Variants in GIMAP6 observed in about 807,000 individuals in gnomAD.
GIMAP6 encodes GTPase, IMAP family member 6.
In GIMAP6, 6 loss-of-function variants were observed where a neutral mutation model predicts 9.3. The ratio of observed to expected loss-of-function variants is 0.65; its 90% CI spans 0.35 to 1.27. GIMAP6 has a LOEUF of 1.27. GIMAP6 is among the 50% of genes most tolerant of loss of function. The pLI, the probability that GIMAP6 is intolerant of heterozygous loss-of-function variation, is 0.03. For synonymous variants in GIMAP6, 156 were observed against 151.1 expected (o/e 1.03, Z -0.24); for missense variants, 333 against 359.5 (o/e 0.93, Z 0.60).
In GIMAP6 at chr7:150,627,964, G is replaced by T. The variant is rs779061760; in HGVS notation, c.634C>A (p.Leu212Met). 2 of 1,614,158 alleles carry T rather than the reference G, an allele frequency of 1.2e-6. No individual in the cohort carries two copies. The highest frequency in any genetic ancestry group is 1.7e-6 in the Non-Finnish European group (2 of 1,180,048). The stretch of plus-strand genomic sequence containing the variant: ...TCAACTTTCTCCATGAGCTCTCGCA[G>T]TTGGGCCTCCTGCTCCTCCCCCTGT... ...RAQGEEQEAQ[L>M]RELMEKVEAI... is the part of the protein sequence containing the mutation. Residue 212 changes from leucine to methionine, a missense_variant, in exon 3 of 3, where the codon CTG (leucine) becomes ATG (methionine). Leu to Met is a conservative substitution (Grantham distance 15, BLOSUM62 2). Coordinates refer to ENST00000328902, the MANE Select transcript of GIMAP6 (RefSeq NM_024711.6).
intron 2 of GIMAP6, among the ~76,000 whole-genome samples, chr7:150,629,532 C>T (rs1302654135): frequency 1.3e-5 from 2 of 152,190 alleles, no homozygotes; most frequent in Non-Finnish European, 2.9e-5. Flanking sequence ...AAGTTAAGCG[C>T]CTGACCCTGT....
chr7:150,630,221 C>T, intron 1 of GIMAP6, 79 bp from the exon 2 acceptor site: 2 of 1,203,232 alleles, frequency 1.7e-6, no homozygotes, highest in Non-Finnish European at 2.3e-6. Context: ...CTGCCTTTCG[C>T]CTTTCTCTTG....
intron 1 of GIMAP6, 101 bp from the exon 2 acceptor site, chr7:150,630,243 T>C (rs533435761): frequency 6.8e-6 from 6 of 880,774 alleles, no homozygotes; most frequent in South Asian, 1.8e-5. Flanking sequence ...CAGAGGAAAG[T>C]TTTTTGCATT....
At chr7:150,630,604 T>A (rs1366444769) in intron 1 of GIMAP6, among the ~76,000 whole-genome samples, 1 of 152,028 alleles carries the variant, frequency 6.6e-6, no homozygotes, top group Admixed American at 6.6e-5. Flanking sequence ...AGGACGTGAA[T>A]GAGTAGGATG....
rs754027128 is a variant in GIMAP6 at position 150,630,137 on chromosome 7, C to T, written c.6G>A (p.Glu2=). Residue 2 remains glutamate, a synonymous_variant, in exon 2 of 3, where the codon GAG becomes GAA. Coordinates refer to ENST00000328902, the MANE Select transcript of GIMAP6 (RefSeq NM_024711.6). ...GGGGAATTTGTTCATATTCTTCTTC[C>T]TCCATCTACAAAAAAAAAAAAAAAA... M[E]EEEYEQIPQE... 8.5e-6 allele frequency: 12 copies of T among 1,409,718 alleles called. No individual in the cohort carries two copies. The highest frequency in any genetic ancestry group is 4.0e-5 in the South Asian group (3 of 75,326). The allele number at this position is 1,409,718 out of a possible 1,614,324, so 87.3% of individuals were successfully genotyped here. A position where few individuals can be genotyped will look rare whatever the true frequency, so the allele number is the denominator to read the frequency against.
intron 2 of GIMAP6, 67 bp downstream of exon 2, chr7:150,629,991 G>T: frequency 1.9e-6 from 2 of 1,027,398 alleles, no homozygotes; most frequent in South Asian, 1.4e-5. Context: ...ACACTATGGT[G>T]GTGGAGCTGT....
Position 150,630,176 on chromosome 7 carries a change from T to C in GIMAP6, c.1-34A>G, listed in dbSNP as rs769313398. 4.2e-6 allele frequency: 6 copies of C among 1,434,894 alleles called. 1 individual carries two copies. In the Middle Eastern group the frequency reaches 5.9e-4, roughly 141 times the overall value. 88.9% of individuals were successfully genotyped at this position (1,434,894 alleles called of 1,614,324 possible). ...AAAAAAAAAAAAAAAAAATCATATG[T>C]TCTACTGACTTTCCAAATGAGTTTC... On this transcript the variant is annotated intron_variant, in intron 1 of 2. Transcript: ENST00000328902.
At chr7:150,629,316 C>T (rs1796353222) in intron 2 of GIMAP6, among the ~76,000 whole-genome samples, 1 of 152,236 alleles carries the variant, frequency 6.6e-6, no homozygotes, top group Admixed American at 6.5e-5. Context: ...ACAGGTGTTA[C>T]ACAGGTATTG....
chr7:150,631,360 C>A (rs542621472), intron 1 of GIMAP6, among the ~76,000 whole-genome samples: 1 of 152,142 alleles, frequency 6.6e-6, no homozygotes, highest in Non-Finnish European at 1.5e-5. Context: ...GCAGGCCAGG[C>A]GGACAGCCTT....
At chr7:150,630,322 T>C (rs1352496853) in intron 1 of GIMAP6, among the ~76,000 whole-genome samples, 180 bp from the exon 2 acceptor site, 1 of 152,134 alleles carries the variant, frequency 6.6e-6, no homozygotes, top group Non-Finnish European at 1.5e-5. Flanking sequence ...CTGCTGGCTT[T>C]AGGGACCCTA....
In GIMAP6 at chr7:150,627,971, C is replaced by T; in HGVS notation, c.627G>A (p.Glu209=). The change falls in exon 3 of 3, where the codon GAG becomes GAA. Residue 209 remains glutamate (E), a synonymous_variant. Coordinates refer to ENST00000328902, the MANE Select transcript of GIMAP6 (RefSeq NM_024711.6). ...FNNRAQGEEQ[E]AQLRELMEKV... is the part of the protein sequence containing the mutation. ...TCTCCATGAGCTCTCGCAGTTGGGC[C>T]TCCTGCTCCTCCCCCTGTGCCCTGT... The T allele has an allele frequency of 8.7e-6, 14 of 1,614,242 alleles. No individual in the cohort carries two copies. Among genetic ancestry groups the T allele is most frequent in the Non-Finnish European group, 1.2e-5 (14 of 1,180,034 alleles).
At chr7:150,631,777 A>C (rs1428045728) in intron 1 of GIMAP6, among the ~76,000 whole-genome samples, 1 of 152,204 alleles carries the variant, frequency 6.6e-6, no homozygotes, top group African/African-American at 2.4e-5. Context: ...CTCTGGAAGA[A>C]AGCAAAACTC....
chr7:150,630,692 G>A (rs1184254404), intron 1 of GIMAP6, among the ~76,000 whole-genome samples: 1 of 152,194 alleles, frequency 6.6e-6, no homozygotes, highest in African/African-American at 2.4e-5. Flanking sequence ...CAGAGGACTG[G>A]GATTGCAGGG....
At position 150,628,226 on chromosome 7, in the gene GIMAP6, G is replaced by A. The variant is rs766120224; in HGVS notation, c.372C>T (p.His124=). 26 of 1,614,056 alleles carry A rather than the reference G, an allele frequency of 1.6e-5. No individual in the cohort carries two copies. The highest frequency in any genetic ancestry group is 1.1e-4 in the African/African-American group (8 of 74,954). Residue 124 remains histidine (H), a synonymous_variant, in exon 3 of 3, where the codon CAC becomes CAT. Transcript: ENST00000328902. ...CCAGTTGTGTCACCAGGAGCACGGC[G>A]TGGGGCCCTGGGGCGGATAAGACGA... is the stretch of plus-strand genomic sequence containing the variant. The part of the protein sequence containing the change: ...QAIVLSAPGP[H]AVLLVTQLGR...
rs1796320930 is a variant in GIMAP6, at chr7:150,627,836, G to A, written c.762C>T (p.Ser254=). ...GCACGTCCTCAGAGCCTTGGCCCTG[G>A]CTTACTTGCCTTTCCTGTAGTTCTT... The part of the protein sequence containing the change: ...RLKELQERQV[S]QGQGSEDVPG... The change falls in exon 3 of 3, where the codon AGC becomes AGT. Residue 254 remains serine (S), a synonymous_variant. Coordinates refer to ENST00000328902, the MANE Select transcript of GIMAP6 (RefSeq NM_024711.6). 1 of 1,614,218 alleles carries A rather than the reference G, an allele frequency of 6.2e-7. No homozygotes were observed. Among genetic ancestry groups the A allele is most frequent in the Non-Finnish European group, 8.5e-7 (1 of 1,180,030 alleles).
At chr7:150,629,286 T>C (rs180715869) in intron 2 of GIMAP6, among the ~76,000 whole-genome samples, 188 of 152,306 alleles carry the variant, frequency 1.2e-3, no homozygotes, top group Admixed American at 2.4e-3. Flanking sequence ...CTAACCTTGA[T>C]TGCTATAACA....
Position 150,627,647 on chromosome 7 carries a change from A to C in GIMAP6, c.*72T>G. 1 of 1,588,502 alleles carries C rather than the reference A, an allele frequency of 6.3e-7. No homozygotes were observed. Among genetic ancestry groups the C allele is most frequent in the Non-Finnish European group, 8.6e-7 (1 of 1,158,366 alleles). On this transcript the variant is annotated 3_prime_UTR_variant, in exon 3 of 3. Coordinates refer to ENST00000328902, the MANE Select transcript of GIMAP6 (RefSeq NM_024711.6). ...ACTGGGAAGCACTCCATGGGATGGA[A>C]AGAGAAACAGAGGGCTGGACACAGG... is the stretch of plus-strand genomic sequence containing the variant.
Position 150,625,866 on chromosome 7 carries a change from T to G in GIMAP6, c.*1853A>C, listed in dbSNP as rs1796283602. ...AATCAATATTTTATTCATACAGGAG[T>G]AGAAAAGTAGAAGACATGAACAGAA... On this transcript the variant is annotated 3_prime_UTR_variant, in exon 3 of 3. Coordinates refer to ENST00000328902, the MANE Select transcript of GIMAP6 (RefSeq NM_024711.6). 6.6e-6 allele frequency: 1 copy of G among 151,996 alleles called. No homozygotes were observed. Among genetic ancestry groups the G allele is most frequent in the Non-Finnish European group, 1.5e-5 (1 of 68,010 alleles). The allele number at this position is 151,996 out of a possible 1,614,324, so 9.4% of individuals were successfully genotyped here.
chr7:150,630,446 G>A (rs941658960), intron 1 of GIMAP6, among the ~76,000 whole-genome samples: 3 of 152,130 alleles, frequency 2.0e-5, no homozygotes, highest in African/African-American at 7.2e-5. Context: ...GATGAAATTT[G>A]GATAGACAAA....
Sources: gnomAD v4.1 joint callset for allele counts (sites outside exome capture counted in the v4.1 genomes callset) on GRCh38, gnomAD v4.1.1 for gene constraint, MANE v1.5 for transcripts, NCBI Gene and HGNC (gene_info 2026-07-23, HGNC 2026-07-21) for gene names.